The following BAIAP2 variants were observed in gnomAD, a reference collection of about 807,000 sequenced individuals.
BAIAP2 encodes the protein BAR/IMD domain containing adaptor protein 2, also known as BAR/IMD domain-containing adapter protein 2.
A neutral mutation model predicts 63.0 loss-of-function variants in BAIAP2; 18 were observed. The observed-to-expected ratio is 0.29, with a 90% CI of 0.20 to 0.42. The LOEUF (loss-of-function observed/expected upper bound fraction) is 0.42, where lower values mean the gene tolerates loss of function less well. BAIAP2 is among the 10% of genes least tolerant of loss of function. The pLI is 1.00. For missense variants in BAIAP2, 610 were observed against 734.3 expected, an observed-to-expected ratio of 0.83 and a Z score of 1.96; for synonymous variants, 386 against 307.6, an observed-to-expected ratio of 1.25 and a Z score of -2.67.
At chr17:81,098,953 A>AT (rs2058084017) in intron 6 of BAIAP2, among the ~76,000 whole-genome samples, 1 of 150,470 alleles carries the variant, frequency 6.6e-6, no homozygotes, top group South Asian at 2.1e-4. Context: ...TCTGGGACAC[A>AT]TTCTCCCCGT....
At chr17:81,051,209 C>T (rs1033067243) in intron 1 of BAIAP2, among the ~76,000 whole-genome samples, 3 of 151,986 alleles carry the variant, frequency 2.0e-5, no homozygotes, top group Non-Finnish European at 4.4e-5. Context: ...CAGAGGCCTG[C>T]GTGGTACGTG....
intron 1 of BAIAP2, among the ~76,000 whole-genome samples, chr17:81,053,179 A>C (rs2048935177): frequency 6.6e-6 from 1 of 152,110 alleles, no homozygotes; most frequent in African/African-American, 2.4e-5. Context: ...CGGCATCTGC[A>C]GATCAGGCTG....
chr17:81,086,434 G>C lies in BAIAP2; in HGVS notation c.352-9G>C, dbSNP rs182333422. On this transcript the variant is annotated splice_polypyrimidine_tract_variant and intron_variant, in intron 5 of 13. Transcript: ENST00000428708. ...GCCTTGGTTTTGTGTTTTATTGTTT[G>C]AATCTCAGGCTGCGCTGAAGAAATA... 1,039 of 1,613,350 alleles carry C rather than the reference G, an allele frequency of 6.4e-4. 4 individuals carry two copies. The highest frequency in any genetic ancestry group is 6.6e-4 in the Non-Finnish European group (780 of 1,179,492).
intron 3 of BAIAP2, among the ~76,000 whole-genome samples, chr17:81,062,980 G>A (rs1196745276): frequency 7.3e-6 from 1 of 137,768 alleles, no homozygotes; most frequent in Non-Finnish European, 1.5e-5. Flanking sequence ...GGAATTTCCT[G>A]CCGATATCTT....
intron 3 of BAIAP2, among the ~76,000 whole-genome samples, chr17:81,061,065 A>G (rs1276879061): frequency 6.6e-6 from 1 of 152,224 alleles, no homozygotes; most frequent in East Asian, 1.9e-4. Flanking sequence ...CGGAGGTTGC[A>G]GTGAGCCGAG....
intron 3 of BAIAP2, among the ~76,000 whole-genome samples, chr17:81,065,277 T>A (rs2051263536): frequency 6.6e-6 from 1 of 152,214 alleles, no homozygotes; most frequent in African/African-American, 2.4e-5. Flanking sequence ...GGGCCCAGCC[T>A]GGTCACAGAA....
At chr17:81,074,883 A>G (rs2053399648) in intron 3 of BAIAP2, among the ~76,000 whole-genome samples, 1 of 152,232 alleles carries the variant, frequency 6.6e-6, no homozygotes, top group Non-Finnish European at 1.5e-5. Context: ...CCGCCAGGGA[A>G]CCTCGGCGAA....
chr17:81,092,666 T>G (rs747742029), intron 6 of BAIAP2, among the ~76,000 whole-genome samples: 9 of 152,166 alleles, frequency 5.9e-5, no homozygotes, highest in Non-Finnish European at 1.0e-4. Flanking sequence ...ACGGGAGAGC[T>G]TTACGTAAGG....
Position 81,057,897 on chromosome 17 carries a change from C to T in BAIAP2, c.147C>T (p.Ala49=). 6.2e-7 allele frequency: 1 copy of T among 1,606,766 alleles called. No individual in the cohort carries two copies. Among genetic ancestry groups the T allele is most frequent in the East Asian group, 2.2e-5 (1 of 44,622 alleles). The change falls in exon 3 of 14, where the codon GCC becomes GCT. Residue 49 remains alanine, a synonymous_variant. Coordinates refer to ENST00000428708, the MANE Select transcript of BAIAP2 (RefSeq NM_001144888.2). ...EKALAGVTYA[A]KGYFDALVKM... is the part of the protein sequence containing the mutation. ...CTCTCTCAGGTGTGACGTATGCAGC[C>T]AAAGGCTACTTTGACGCCCTGGTGA...
At chr17:81,109,189 C>T in intron 13 of BAIAP2, 1 of 1,407,586 alleles carries the variant, frequency 7.1e-7, no homozygotes, top group Non-Finnish European at 9.2e-7. Flanking sequence ...CCATCCGCCC[C>T]CCCTCCCCTG....
intron 1 of BAIAP2, among the ~76,000 whole-genome samples, chr17:81,039,630 T>C (rs4969357): frequency 0.77 from 117,441 of 152,116 alleles, 45,562 homozygotes; most frequent in Middle Eastern, 0.86. Flanking sequence ...AAGTGAAGGC[T>C]GGTGCTGCCC....
At chr17:81,090,150 G>T (rs2056459877) in intron 6 of BAIAP2, among the ~76,000 whole-genome samples, 1 of 152,178 alleles carries the variant, frequency 6.6e-6, no homozygotes, top group Admixed American at 6.5e-5. Context: ...CTGGTGTCAG[G>T]CTTAGGCTTG....
intron 1 of BAIAP2, among the ~76,000 whole-genome samples, chr17:81,047,966 T>C (rs1383884565): frequency 1.3e-5 from 2 of 152,206 alleles, no homozygotes; most frequent in African/African-American, 4.8e-5. Flanking sequence ...GGCATCTGCC[T>C]TGAGGGGCTG....
At position 81,043,456 on chromosome 17, in the gene BAIAP2, A is replaced by T. The variant is rs1040493175; in HGVS notation, c.54+8148A>T. 2.6e-5 allele frequency among the ~76,000 whole-genome samples: 4 copies of T among 152,230 alleles called. No homozygotes were observed. In the East Asian group the frequency reaches 7.8e-4, roughly 30 times the overall value. On this transcript the variant is annotated intron_variant, in intron 1 of 13. Coordinates refer to ENST00000428708, the MANE Select transcript of BAIAP2 (RefSeq NM_001144888.2). The stretch of plus-strand genomic sequence containing the variant: ...GAGCAGAGCTGTGGGCTGCGGTCCG[A>T]CCGGTGGCAGGAGTCCCATCTAGGG...
At position 81,057,987 on chromosome 17, in the gene BAIAP2, C is replaced by CT; in HGVS notation, c.217+20_217+21insT. The CT allele has an allele frequency of 1.7e-6, 2 of 1,149,230 alleles. No individual in the cohort carries two copies. Among genetic ancestry groups the CT allele is most frequent in the Non-Finnish European group, 2.3e-6 (2 of 870,132 alleles). The allele number at this position is 1,149,230 out of a possible 1,614,324, so 71.2% of individuals were successfully genotyped here. ...AACTCGGTGAGACCCCCCCCCCCCCCCCGCCTGGTAGTCGCCTGATGCCCT... is the reference window on the plus strand; with the variant it reads ...AACTCGGTGAGACCCCCCCCCCCCCCTCCGCCTGGTAGTCGCCTGATGCCCT... On this transcript the variant is annotated intron_variant, in intron 3 of 13. Coordinates refer to ENST00000428708, the MANE Select transcript of BAIAP2 (RefSeq NM_001144888.2).
intron 3 of BAIAP2, among the ~76,000 whole-genome samples, chr17:81,078,238 T>G (rs1598663801): frequency 8.0e-6 from 1 of 124,466 alleles, no homozygotes; most frequent in Non-Finnish European, 1.7e-5. Flanking sequence ...GTGCTGTGGG[T>G]ACGGGTGCCG....
In BAIAP2 at chr17:81,046,774, C is replaced by T. The variant is rs966107407; in HGVS notation, c.55-6894C>T. 6.6e-6 allele frequency among the ~76,000 whole-genome samples: 1 copy of T among 152,104 alleles called. No homozygotes were observed. On this transcript the variant is annotated intron_variant, in intron 1 of 13. Transcript: ENST00000428708. The surrounding 1 kb of genome is among the most constrained non-coding windows in gnomAD (Gnocchi z 4.5). ...TGGCCGGGGGTTTCCAGGCTTGGCT[C>T]TGTCCCGTGCGCCCTTCCCTGGAGC...
Position 81,057,960 on chromosome 17 carries a change from A to G in BAIAP2, c.210A>G (p.Lys70=). ...GELASESQGS[K]ELGDVLFQMA... ...TGGCCAGCGAGAGCCAGGGCTCCAA[A>G]GAACTCGGTGAGACCCCCCCCCCCC... is the stretch of plus-strand genomic sequence containing the variant. Residue 70 remains lysine, a synonymous_variant, in exon 3 of 14, where the codon AAA becomes AAG. Coordinates refer to ENST00000428708, the MANE Select transcript of BAIAP2 (RefSeq NM_001144888.2). 6.5e-7 allele frequency: 1 copy of G among 1,540,916 alleles called. No homozygotes were observed. The highest frequency in any genetic ancestry group is 8.8e-7 in the Non-Finnish European group (1 of 1,134,238).
intron 6 of BAIAP2, among the ~76,000 whole-genome samples, chr17:81,098,902 C>T (rs529008702): frequency 8.3e-4 from 126 of 152,284 alleles, no homozygotes; most frequent in Middle Eastern, 6.8e-3. Flanking sequence ...TGCCCAAGAG[C>T]ACCTGCCAGG....
Sources: gnomAD v4.1 joint callset for allele counts (sites outside exome capture counted in the v4.1 genomes callset) on GRCh38, gnomAD v4.1.1 for gene constraint, Gnocchi (gnomAD v3.1) non-coding constraint, MANE v1.5 for transcripts, NCBI Gene and HGNC (gene_info 2026-07-23, HGNC 2026-07-21) for gene names.